Variants in TBC1D15 observed in about 807,000 individuals in gnomAD.
The protein encoded by TBC1D15 is GAP for RAB7.
A neutral mutation model predicts 95.4 loss-of-function variants in TBC1D15; 39 were observed. That is an observed-to-expected ratio of 0.41 (90% CI 0.32 to 0.53). TBC1D15 has a LOEUF of 0.53. Ranked by LOEUF, TBC1D15 falls within the 20% of genes least tolerant of loss-of-function variation. TBC1D15 has a pLI of 0.29. For missense variants in TBC1D15, 733 were observed against 794.3 expected, an observed-to-expected ratio of 0.92 and a Z score of 0.93; for synonymous variants, 258 against 261.3, an observed-to-expected ratio of 0.99 and a Z score of 0.12.
chr12:71,898,024 G>T lies in TBC1D15; in HGVS notation c.1183+83G>T, dbSNP rs540435943. The T allele has an allele frequency of 4.1e-6, 4 of 974,204 alleles. 1 individual carries two copies. Among genetic ancestry groups the T allele is most frequent in the African/African-American group, 3.2e-5 (2 of 61,708 alleles). 60.3% of individuals were successfully genotyped at this position (974,204 alleles called of 1,614,324 possible). ...AAGAGTAAAGAAGTGAAGATACATG[G>T]TAATAGCACTAGGGCTCAAAAGAGA... is the stretch of plus-strand genomic sequence containing the variant. On this transcript the variant is annotated intron_variant, in intron 10 of 16. Coordinates refer to ENST00000485960, the MANE Select transcript of TBC1D15 (RefSeq NM_001146213.3).
chr12:71,839,884 TG>T, intron 1 of TBC1D15, 73 bp downstream of exon 1: 3 of 1,584,538 alleles, frequency 1.9e-6, no homozygotes, highest in South Asian at 2.2e-5. Context: ...GGCAGCTGGT[TG>T]GGGGAGGGAC....
chr12:71,880,095 T>A (rs1894827490), intron 3 of TBC1D15, among the ~76,000 whole-genome samples: 1 of 152,154 alleles, frequency 6.6e-6, no homozygotes, highest in South Asian at 2.1e-4. Context: ...ACTAAAAGTT[T>A]GGAGGTTGGG....
intron 5 of TBC1D15, among the ~76,000 whole-genome samples, chr12:71,889,984 A>G (rs1896927396): frequency 6.6e-6 from 1 of 152,152 alleles, no homozygotes; most frequent in Non-Finnish European, 1.5e-5. Flanking sequence ...CATTCTTTTT[A>G]TGGCTGCGTA....
At chr12:71,909,818 A>G (rs1041757220) in intron 11 of TBC1D15, among the ~76,000 whole-genome samples, 5 of 152,146 alleles carry the variant, frequency 3.3e-5, no homozygotes, top group Non-Finnish European at 7.4e-5. Context: ...GCTGATTAAG[A>G]TATGCATCAT....
intron 1 of TBC1D15, among the ~76,000 whole-genome samples, chr12:71,847,652 G>GCACA (rs1565937125): frequency 1.3e-5 from 2 of 151,754 alleles, no homozygotes; most frequent in Non-Finnish European, 2.9e-5. Context: ...CCGAGATTGT[G>GCACA]CCACTGCTCT....
At chr12:71,905,138 C>A (rs1900371203) in intron 10 of TBC1D15, among the ~76,000 whole-genome samples, 2 of 152,048 alleles carry the variant, frequency 1.3e-5, no homozygotes, top group Admixed American at 1.3e-4. Context: ...TGGCTTGTCA[C>A]TATTAAATAT....
rs1870189225 is a variant in TBC1D15, at chr12:71,923,473, G to A, written c.*269G>A. ...TTTTCTTGCTGATGAACTGGAATTG[G>A]ATAAATATTGCAAGTGGATGAGTTG... On this transcript the variant is annotated 3_prime_UTR_variant, in exon 17 of 17. Coordinates refer to ENST00000485960, the MANE Select transcript of TBC1D15 (RefSeq NM_001146213.3). The A allele has an allele frequency of 5.8e-6, 2 of 343,578 alleles. No individual in the cohort carries two copies. The highest frequency in any genetic ancestry group is 1.1e-4 in the East Asian group (2 of 18,578). The allele number at this position is 343,578 out of a possible 1,614,324, so 21.3% of individuals were successfully genotyped here.
At position 71,923,128 on chromosome 12, in the gene TBC1D15, C is replaced by T; in HGVS notation, c.1949C>T (p.Ser650Phe). The change falls in exon 17 of 17, where the codon TCT (serine) becomes TTT (phenylalanine). Residue 650 changes from serine to phenylalanine, a missense_variant. Ser to Phe is a radical substitution (Grantham distance 155). Coordinates refer to ENST00000485960, the MANE Select transcript of TBC1D15 (RefSeq NM_001146213.3). ...AFQSNALPTL[S>F]ASGARNDSPT... ...CAAAGTAATGCCTTGCCTACACTCT[C>T]TGCCAGTGGAGCCAGAAATGACAGC... is the stretch of plus-strand genomic sequence containing the variant. 1 of 1,614,220 alleles carries T rather than the reference C, an allele frequency of 6.2e-7. No homozygotes were observed. Among genetic ancestry groups the T allele is most frequent in the Non-Finnish European group, 8.5e-7 (1 of 1,180,034 alleles).
rs1368287817 is a variant in TBC1D15, at chr12:71,920,915, C to T, written c.1716+68C>T. On this transcript the variant is annotated intron_variant, in intron 15 of 16. Coordinates refer to ENST00000485960, the MANE Select transcript of TBC1D15 (RefSeq NM_001146213.3). ...TATTTGGTGGTCCTGATATACAGAA[C>T]GTTTCCTTGGAACATTATTAAATCT... 6 of 1,103,074 alleles carry T rather than the reference C, an allele frequency of 5.4e-6. No homozygotes were observed. In the East Asian group the frequency reaches 7.2e-5, roughly 13 times the overall value. 68.3% of individuals were successfully genotyped at this position (1,103,074 alleles called of 1,614,324 possible). A position where few individuals can be genotyped will look rare whatever the true frequency, so the allele number is the denominator to read the frequency against.
rs1428561767 is a variant in TBC1D15, at chr12:71,906,944, CTG to C, written c.1184-76_1184-75del. 4 of 796,588 alleles carry C rather than the reference CTG, an allele frequency of 5.0e-6. No homozygotes were observed. In the East Asian group the frequency reaches 8.2e-5, roughly 16 times the overall value. 49.3% of individuals were successfully genotyped at this position (796,588 alleles called of 1,614,324 possible). On this transcript the variant is annotated intron_variant, in intron 10 of 16. Transcript: ENST00000485960. ...GAAATTAATAGCAAGAAAAATGACT[CTG>C]TACTTGTAAGATGTGAGCTTTATCA... is the stretch of plus-strand genomic sequence containing the variant.
chr12:71,860,844 G>C (rs968273364), intron 1 of TBC1D15, among the ~76,000 whole-genome samples: 3 of 152,118 alleles, frequency 2.0e-5, no homozygotes, highest in Non-Finnish European at 2.9e-5. Context: ...TGTTAAGTAT[G>C]ATGTTGGCTG....
intron 1 of TBC1D15, among the ~76,000 whole-genome samples, chr12:71,858,557 CTT>C (rs1320497569): frequency 1.3e-4 from 12 of 93,330 alleles, no homozygotes; most frequent in Non-Finnish European, 1.8e-4. Flanking sequence ...TTTTCTTTTT[CTT>C]TTTTTTTTTT....
At chr12:71,839,918 A>G in intron 1 of TBC1D15, 107 bp downstream of exon 1, 1 of 1,413,874 alleles carries the variant, frequency 7.1e-7, no homozygotes, top group Non-Finnish European at 9.9e-7. Flanking sequence ...CTGTGTCCGG[A>G]CAACCCGTGG....
At chr12:71,851,640 A>G (rs534878025) in intron 1 of TBC1D15, among the ~76,000 whole-genome samples, 1 of 152,242 alleles carries the variant, frequency 6.6e-6, no homozygotes, top group Non-Finnish European at 1.5e-5. Flanking sequence ...AAAATCGGCC[A>G]AAAGAAAGGG....
At chr12:71,917,152 T>C (rs1196985688) in intron 12 of TBC1D15, among the ~76,000 whole-genome samples, 1 of 152,176 alleles carries the variant, frequency 6.6e-6, no homozygotes, top group South Asian at 2.1e-4. Context: ...GTTCAGTCTT[T>C]TGGAGTATCA....
chr12:71,842,791 A>G lies in TBC1D15; in HGVS notation c.30+2980A>G, dbSNP rs565425697. Among the ~76,000 whole-genome samples the G allele has an allele frequency of 6.0e-5, 9 of 149,568 alleles. No individual in the cohort carries two copies. In the South Asian group the frequency reaches 1.7e-3, roughly 28 times the overall value. Reference sequence around the variant, plus strand: ...GGCTGCAGTGAGCTATGATGGTGCTACTGCACTCCAGCTTGGGTGACAGAC... The same window carrying G: ...GGCTGCAGTGAGCTATGATGGTGCTGCTGCACTCCAGCTTGGGTGACAGAC... On this transcript the variant is annotated intron_variant, in intron 1 of 16. Transcript: ENST00000485960.
chr12:71,918,114 C>T (rs955007751), intron 13 of TBC1D15, among the ~76,000 whole-genome samples: 1 of 152,132 alleles, frequency 6.6e-6, no homozygotes, highest in South Asian at 2.1e-4. Flanking sequence ...GGGATCACTC[C>T]ACTGCACTCC....
intron 1 of TBC1D15, among the ~76,000 whole-genome samples, chr12:71,863,579 C>T (rs1411240389): frequency 1.3e-5 from 2 of 152,100 alleles, no homozygotes; most frequent in African/African-American, 4.8e-5. Flanking sequence ...TTATATCTCT[C>T]TTCAGACTTG....
chr12:71,875,289 A>G (rs1893556748), intron 3 of TBC1D15, among the ~76,000 whole-genome samples: 1 of 152,088 alleles, frequency 6.6e-6, no homozygotes, highest in South Asian at 2.1e-4. Flanking sequence ...TTCTCATCAG[A>G]TGTGTAATTT....
Sources: allele counts gnomAD v4.1 joint callset (sites outside exome capture counted in the v4.1 genomes callset), GRCh38; gene constraint gnomAD v4.1.1; transcripts MANE v1.5; gene names NCBI Gene and HGNC (gene_info 2026-07-23, HGNC 2026-07-21).